The following TTF1 variants were observed in gnomAD, a reference collection of about 807,000 sequenced individuals.
The protein encoded by TTF1 is transcription termination factor 1.
Under a neutral mutation model 80.2 loss-of-function variants are expected in TTF1, and 64 were observed. The ratio of observed to expected loss-of-function variants is 0.80; its 90% CI spans 0.65 to 0.98. TTF1 has a LOEUF of 0.98. Ranked by LOEUF, TTF1 falls within the 50% of genes least tolerant of loss-of-function variation. The pLI is 0.00. For synonymous variants in TTF1, 372 were observed against 382.7 expected (o/e 0.97, Z 0.33); for missense variants, 1,023 against 1,086.2 (o/e 0.94, Z 0.82).
intron 8 of TTF1, 42 bp downstream of exon 8, chr9:132,388,097 A>G (rs776846961): frequency 4.0e-6 from 6 of 1,496,648 alleles, no homozygotes; most frequent in African/African-American, 1.4e-5. Context: ...CTTTGGCTAG[A>G]GACAGAAACA....
chr9:132,396,411 GC>G, intron 5 of TTF1, 21 bp downstream of exon 5: 1 of 1,609,836 alleles, frequency 6.2e-7, no homozygotes, highest in East Asian at 2.2e-5. Flanking sequence ...GTTGTCTCAA[GC>G]TGCTAAGACT....
chr9:132,397,338 C>T (rs547236091), intron 4 of TTF1, among the ~76,000 whole-genome samples: 4 of 152,310 alleles, frequency 2.6e-5, no homozygotes, highest in South Asian at 2.1e-4. Flanking sequence ...TGCTTTTCTT[C>T]GTGGATTCCA....
At chr9:132,394,892 CAAAA>C (rs1303358774) in intron 5 of TTF1, among the ~76,000 whole-genome samples, 1 of 129,330 alleles carries the variant, frequency 7.7e-6, no homozygotes. Context: ...GACCCTGTTC[CAAAA>C]AAAAAAAAAA....
intron 9 of TTF1, 69 bp from the exon 10 acceptor site, chr9:132,379,213 T>A: frequency 8.9e-7 from 1 of 1,124,058 alleles, no homozygotes; most frequent in Non-Finnish European, 1.3e-6. Context: ...TACAGTGTAG[T>A]AAGTACATTT....
At chr9:132,394,662 G>C (rs1192790402) in intron 5 of TTF1, among the ~76,000 whole-genome samples, 1 of 152,006 alleles carries the variant, frequency 6.6e-6, no homozygotes, top group East Asian at 2.0e-4. Context: ...GGAGGCTGAG[G>C]CAGGAGGATC....
chr9:132,394,034 A>G (rs1849604896), intron 5 of TTF1, among the ~76,000 whole-genome samples: 1 of 150,736 alleles, frequency 6.6e-6, no homozygotes, highest in Non-Finnish European at 1.5e-5. Flanking sequence ...CGATCCTCCC[A>G]CCTCAGCCTC....
chr9:132,392,365 G>GACGCC (rs1849575410), intron 5 of TTF1, among the ~76,000 whole-genome samples, 159 bp from the exon 6 acceptor site: 1 of 152,138 alleles, frequency 6.6e-6, no homozygotes, highest in Non-Finnish European at 1.5e-5. Flanking sequence ...CGTCTCACTG[G>GACGCC]TGGTCATCCT....
chr9:132,396,766 CA>C (rs1849659189), intron 4 of TTF1, among the ~76,000 whole-genome samples: 1 of 151,522 alleles, frequency 6.6e-6, no homozygotes, highest in Admixed American at 6.6e-5. Context: ...CTCTTGGGTT[CA>C]AGCAATTCTC....
intron 9 of TTF1, among the ~76,000 whole-genome samples, chr9:132,383,484 C>A (rs1270323075): frequency 2.0e-5 from 3 of 152,086 alleles, no homozygotes; most frequent in African/African-American, 7.2e-5. Flanking sequence ...ATGGGAAAAA[C>A]CGTATTCCCT....
rs148836459 is a variant in TTF1 at position 132,400,129 on chromosome 9, C to G, written c.1497G>C (p.Gln499His). Reference protein sequence around the residue: ...ADLGSAVKQLQEFIPNIKDRA... With the variant: ...ADLGSAVKQLHEFIPNIKDRA... ...TGTCCTTGATGTTAGGAATGAACTC[C>G]TGAAGCTGTTTCACGGCAGAACCCA... Residue 499 changes from glutamine (Q) to histidine (H), a missense_variant, in exon 3 of 11, where the codon CAG becomes CAC. Transcript: ENST00000334270. The G allele has an allele frequency of 4.3e-6, 7 of 1,614,050 alleles. No individual in the cohort carries two copies. In the African/African-American group the frequency reaches 6.7e-5, roughly 15 times the overall value.
intron 5 of TTF1, 121 bp from the exon 6 acceptor site, chr9:132,392,327 G>C: frequency 8.5e-7 from 1 of 1,174,196 alleles, no homozygotes; most frequent in Non-Finnish European, 1.2e-6. Context: ...CAGGGAACCC[G>C]GTCACAGCCC....
intron 10 of TTF1, among the ~76,000 whole-genome samples, chr9:132,377,800 G>A (rs1235506215): frequency 7.0e-6 from 1 of 141,908 alleles, no homozygotes. Context: ...TGGTGTGTGT[G>A]CATGTGGTGT....
At chr9:132,383,230 C>T (rs1196415007) in intron 9 of TTF1, among the ~76,000 whole-genome samples, 1 of 126,500 alleles carries the variant, frequency 7.9e-6, no homozygotes, top group Non-Finnish European at 1.6e-5. Context: ...GCCTGGGCAA[C>T]AGAGTAAGAC....
At chr9:132,405,460 G>A (rs746705852) in intron 1 of TTF1, among the ~76,000 whole-genome samples, 4 of 152,138 alleles carry the variant, frequency 2.6e-5, no homozygotes, top group South Asian at 2.1e-4. Flanking sequence ...CACCTGCCTC[G>A]GCCTCTCAAA....
At chr9:132,383,869 T>C (rs1849415075) in intron 9 of TTF1, among the ~76,000 whole-genome samples, 1 of 152,220 alleles carries the variant, frequency 6.6e-6, no homozygotes, top group Admixed American at 6.5e-5. Flanking sequence ...TCATGATTTT[T>C]TGTAGCTATA....
intron 5 of TTF1, among the ~76,000 whole-genome samples, chr9:132,393,277 C>CCA (rs55845213): frequency 4.0e-5 from 6 of 151,796 alleles, no homozygotes; most frequent in African/African-American, 1.5e-4. Context: ...AAGCCCCCCC[C>CCA]GCAAACTGGC....
At chr9:132,383,194 G>A (rs1849401407) in intron 9 of TTF1, among the ~76,000 whole-genome samples, 1 of 149,954 alleles carries the variant, frequency 6.7e-6, no homozygotes, top group Admixed American at 6.7e-5. Flanking sequence ...GGTGCAGTGA[G>A]CTGAGATCAC....
chr9:132,399,885 CAGCTTGGACAATTCTGGTAGG>C (rs1849727951), intron 3 of TTF1, 129 bp downstream of exon 3: 1 of 858,500 alleles, frequency 1.2e-6, no homozygotes, highest in African/African-American at 1.7e-5. Context: ...GCTAATTTTA[CAGCTTGGACAATTCTGGTAGG>C]AGATAGAGGT....
chr9:132,406,612 A>G (rs1849872947), intron 1 of TTF1, among the ~76,000 whole-genome samples, 178 bp downstream of exon 1: 1 of 151,298 alleles, frequency 6.6e-6, no homozygotes. Flanking sequence ...TTAAAAAAAA[A>G]AAAAAAAAAC....
Sources: allele counts gnomAD v4.1 joint callset (sites outside exome capture counted in the v4.1 genomes callset), GRCh38; gene constraint gnomAD v4.1.1; transcripts MANE v1.5; gene names NCBI Gene and HGNC (gene_info 2026-07-23, HGNC 2026-07-21).